Variants in USP2 observed in about 807,000 individuals in gnomAD.
USP2 encodes the protein ubiquitin carboxyl-terminal hydrolase 2.
In USP2, 33 loss-of-function variants were observed where a neutral mutation model predicts 72.0. That is an observed-to-expected ratio of 0.46 (90% CI 0.35 to 0.61). The LOEUF is 0.61. USP2 is among the 20% of genes least tolerant of loss of function. USP2 has a pLI of 0.01. For synonymous variants in USP2, 296 were observed against 312.5 expected (o/e 0.95, Z 0.56); for missense variants, 691 against 797.8 (o/e 0.87, Z 1.61).
chr11:119,357,217 G>C lies in USP2; in HGVS notation c.1700C>G (p.Thr567Arg). 1 of 1,613,856 alleles carries C rather than the reference G, an allele frequency of 6.2e-7. No homozygotes were observed. Among genetic ancestry groups the C allele is most frequent in the South Asian group, 1.1e-5 (1 of 91,078 alleles). Reference protein sequence around the residue: ...HYTAYCRSPGTGEWHTFNDSS... With the variant: ...HYTAYCRSPGRGEWHTFNDSS... ...GTCGTTGAAAGTGTGCCATTCTCCT[G>C]TCCCTGGACTGCGACAGTAGGCTGT... The change falls in exon 12 of 13, where the codon ACA becomes AGA. Residue 567 changes from threonine (T) to arginine (R), a missense_variant. Coordinates refer to ENST00000260187, the MANE Select transcript of USP2 (RefSeq NM_004205.5).
chr11:119,364,121 C>T (rs1950813008), intron 2 of USP2: 2 of 1,223,246 alleles, frequency 1.6e-6, no homozygotes, highest in Non-Finnish European at 2.0e-6. Context: ...ACAGCGTCCG[C>T]GGCGCCCGAA....
At chr11:119,376,449 G>A (rs1354011587) in intron 1 of USP2, 1 of 981,218 alleles carries the variant, frequency 1.0e-6, no homozygotes, top group East Asian at 1.1e-4. Flanking sequence ...CCCAGTGCGG[G>A]GGGCCCCTGC....
chr11:119,356,431 G>A lies in USP2; in HGVS notation c.*404C>T, dbSNP rs45575236. The A allele has an allele frequency of 0.055, 9,273 of 169,718 alleles. 668 individuals are homozygous for A. The highest frequency in any genetic ancestry group is 0.17 in the African/African-American group (7,200 of 41,962). 10.5% of individuals were successfully genotyped at this position (169,718 alleles called of 1,614,324 possible). On this transcript the variant is annotated 3_prime_UTR_variant, in exon 13 of 13. Transcript: ENST00000260187. ...AGATGGGCGCCGGCTCCTCCGCGGC[G>A]CGGGCGTCCAGGCGGTGATGCTCCC...
At chr11:119,380,081 A>AT (rs1374592012) in intron 1 of USP2, among the ~76,000 whole-genome samples, 2 of 151,674 alleles carry the variant, frequency 1.3e-5, no homozygotes, top group Admixed American at 6.6e-5. Context: ...CGCCCGGCTA[A>AT]TTTTTTTGTA....
intron 10 of USP2, 43 bp downstream of exon 10, chr11:119,357,714 C>A (rs377758729): frequency 2.2e-5 from 36 of 1,613,390 alleles, no homozygotes; most frequent in Non-Finnish European, 3.0e-5. Context: ...TCATCAGTCA[C>A]CCTTGAAAGT....
Position 119,373,671 on chromosome 11 carries a change from G to A in USP2, c.-41-150C>T, listed in dbSNP as rs1043820892. 66 of 743,404 alleles carry A rather than the reference G, an allele frequency of 8.9e-5. 1 individual carries two copies. The highest frequency in any genetic ancestry group is 3.9e-4 in the Middle Eastern group (1 of 2,588). The allele number at this position is 743,404 out of a possible 1,614,324, so 46.1% of individuals were successfully genotyped here. On this transcript the variant is annotated intron_variant, in intron 1 of 12. Transcript: ENST00000260187. ...TGGCTGCTGAGAAGCACACATGCAC[G>A]CAGGTGTGCACAGGAGCTTGCTTGC...
chr11:119,368,510 A>G (rs1350985327), intron 2 of USP2, among the ~76,000 whole-genome samples: 2 of 152,240 alleles, frequency 1.3e-5, no homozygotes, highest in African/African-American at 4.8e-5. Context: ...GTCCCACCCC[A>G]GGGAAAAATC....
chr11:119,361,221 C>T (rs1223311399), intron 2 of USP2, among the ~76,000 whole-genome samples: 1 of 152,240 alleles, frequency 6.6e-6, no homozygotes, highest in African/African-American at 2.4e-5. Flanking sequence ...ATTGGGCCCG[C>T]AGAGGCAAGG....
chr11:119,381,124 A>C (rs1951054192), intron 1 of USP2, among the ~76,000 whole-genome samples: 1 of 152,178 alleles, frequency 6.6e-6, no homozygotes, highest in South Asian at 2.1e-4. Context: ...GGGAGCTTTA[A>C]GAGCAGCGAG....
rs559237180 is a variant in USP2 at position 119,376,407 on chromosome 11, C to T, written c.-41-2886G>A. On this transcript the variant is annotated intron_variant, in intron 1 of 12. Coordinates refer to ENST00000260187, the MANE Select transcript of USP2 (RefSeq NM_004205.5). ...TTTCATGGGGCAGTGGGAGGCAAGC[C>T]AATTGGCTGGGATCCCCCATACCCC... 86 of 985,660 alleles carry T rather than the reference C, an allele frequency of 8.7e-5. No homozygotes were observed. The East Asian group carries it at 9.1e-3, about 104-fold the overall frequency. The allele number at this position is 985,660 out of a possible 1,614,324, so 61.1% of individuals were successfully genotyped here.
intron 11 of USP2, 21 bp downstream of exon 11, chr11:119,357,462 T>G: frequency 6.2e-7 from 1 of 1,613,970 alleles, no homozygotes; most frequent in South Asian, 1.1e-5. Context: ...CATTCTGCCC[T>G]GCCTACTCAA....
At chr11:119,374,604 T>C (rs1003866638) in intron 1 of USP2, among the ~76,000 whole-genome samples, 1 of 152,160 alleles carries the variant, frequency 6.6e-6, no homozygotes, top group Non-Finnish European at 1.5e-5. Flanking sequence ...TAACCTGGAG[T>C]TACCTCCCCC....
chr11:119,379,113 T>C (rs938965494), intron 1 of USP2: 4 of 985,328 alleles, frequency 4.1e-6, no homozygotes, highest in Middle Eastern at 5.2e-4. Flanking sequence ...GGCTGGGTAA[T>C]CCGGAGCTCA....
intron 2 of USP2, chr11:119,363,935 G>T (rs747348950): frequency 7.5e-7 from 1 of 1,325,208 alleles, no homozygotes; most frequent in Non-Finnish European, 9.7e-7. Flanking sequence ...TCCTTGGCGA[G>T]GGCGGGAAAG....
At chr11:119,370,912 G>A (rs1024753463) in intron 2 of USP2, among the ~76,000 whole-genome samples, 1 of 152,192 alleles carries the variant, frequency 6.6e-6, no homozygotes, top group African/African-American at 2.4e-5. Flanking sequence ...CAGACTCCCA[G>A]GAGGGTTGGG....
chr11:119,379,172 G>A (rs939425353), intron 1 of USP2: 18 of 985,366 alleles, frequency 1.8e-5, no homozygotes, highest in Non-Finnish European at 2.0e-5. Flanking sequence ...TCGCAGACTC[G>A]CAGAGATGGC....
At position 119,356,628 on chromosome 11, in the gene USP2, A is replaced by G; in HGVS notation, c.*207T>C. ...GCGATGCTGGCTCCACGTCCAGGCG[A>G]TCTTCCCTGCCGGGCCACAGCTCAG... On this transcript the variant is annotated 3_prime_UTR_variant, in exon 13 of 13. Transcript: ENST00000260187. 1 of 563,306 alleles carries G rather than the reference A, an allele frequency of 1.8e-6. No homozygotes were observed. Among genetic ancestry groups the G allele is most frequent in the Non-Finnish European group, 3.1e-6 (1 of 325,030 alleles). 34.9% of individuals were successfully genotyped at this position (563,306 alleles called of 1,614,324 possible).
At chr11:119,362,239 G>A (rs1950775243) in intron 2 of USP2, among the ~76,000 whole-genome samples, 1 of 152,180 alleles carries the variant, frequency 6.6e-6, no homozygotes, top group Non-Finnish European at 1.5e-5. Context: ...GTCTACAGAA[G>A]CACTCCTGTG....
intron 2 of USP2, chr11:119,363,769 GGC>G: frequency 8.7e-7 from 1 of 1,146,490 alleles, no homozygotes; most frequent in Non-Finnish European, 1.2e-6. Context: ...CTCACCTAGG[GGC>G]GCGTGGCGGG....
Sources: allele counts gnomAD v4.1 joint callset (sites outside exome capture counted in the v4.1 genomes callset), GRCh38; gene constraint gnomAD v4.1.1; transcripts MANE v1.5; gene names NCBI Gene and HGNC (gene_info 2026-07-23, HGNC 2026-07-21).